The following TMEM236 variants were observed in gnomAD, a reference collection of about 807,000 sequenced individuals.
The protein encoded by TMEM236 is family with sequence similarity 23, member A.
TMEM236 carries 11 observed loss-of-function variants against 14.7 expected under a neutral mutation model. The observed-to-expected ratio is 0.75, with a 90% CI of 0.47 to 1.24. The LOEUF is 1.24. TMEM236 is among the 50% of genes most tolerant of loss of function. TMEM236 has a pLI of 0.00. For missense variants in TMEM236, 464 were observed against 427.3 expected (o/e 1.09, Z -0.76); for synonymous variants, 182 against 168.6 (o/e 1.08, Z -0.62).
chr10:17,783,104 C>T (rs1038080144), intron 3 of TMEM236, among the ~76,000 whole-genome samples: 2 of 152,046 alleles, frequency 1.3e-5, no homozygotes, highest in East Asian at 3.9e-4. Flanking sequence ...AAAACAGAAG[C>T]TGGGGATGGA....
intron 3 of TMEM236, among the ~76,000 whole-genome samples, chr10:17,789,156 AC>A (rs1284307586): frequency 6.6e-6 from 1 of 152,172 alleles, no homozygotes; most frequent in Non-Finnish European, 1.5e-5. Context: ...AGCTGCCTTC[AC>A]CTGTGTAGGT....
At position 17,768,085 on chromosome 10, in the gene TMEM236, G is replaced by GTTTTTTTTTTTTTTTTTTTTTTTTT. The variant is rs1181734908; in HGVS notation, c.258-3224_258-3223insTTTTTTTTTTTTTTTTTTTTTTTTT. Among the ~76,000 whole-genome samples, 38 of 98,828 alleles carry GTTTTTTTTTTTTTTTTTTTTTTTTT rather than the reference G, an allele frequency of 3.8e-4. 10 individuals carry two copies. The highest frequency in any genetic ancestry group is 1.3e-3 in the East Asian group (5 of 3,816). The allele number at this position is 98,828 out of a possible 152,430, so 64.8% of individuals were successfully genotyped here. A position where few individuals can be genotyped will look rare whatever the true frequency, so the allele number is the denominator to read the frequency against. On this transcript the variant is annotated intron_variant, in intron 1 of 3. Coordinates refer to ENST00000377495, the MANE Select transcript of TMEM236 (RefSeq NM_001098844.3). The stretch of plus-strand genomic sequence containing the variant: ...ACCACCACACCTCGCTAATTTTTGT[G>GTTTTTTTTTTTTTTTTTTTTTTTTT]GTTTTTTTTTTTTTTTTTTTTTTGT...
chr10:17,784,503 G>C (rs1181537559), intron 3 of TMEM236, among the ~76,000 whole-genome samples: 3 of 152,162 alleles, frequency 2.0e-5, no homozygotes, highest in Admixed American at 1.3e-4. Flanking sequence ...GAGTGACCCT[G>C]ATTTATATCT....
intron 3 of TMEM236, among the ~76,000 whole-genome samples, chr10:17,783,362 G>T (rs1653822808): frequency 6.6e-6 from 1 of 152,194 alleles, no homozygotes; most frequent in Admixed American, 6.5e-5. Context: ...GTCAGAGATG[G>T]CTGGCTAGAG....
chr10:17,752,469 T>G lies in TMEM236; in HGVS notation c.174T>G (p.Val58=). 1 of 1,613,974 alleles carries G rather than the reference T, an allele frequency of 6.2e-7. No homozygotes were observed. The highest frequency in any genetic ancestry group is 1.7e-5 in the Admixed American group (1 of 60,012). The change falls in exon 1 of 4, where the codon GTT becomes GTG. Residue 58 remains valine (V), a synonymous_variant. Coordinates refer to ENST00000377495, the MANE Select transcript of TMEM236 (RefSeq NM_001098844.3). ...WLIISCSIAY[V]ALVTLLIWVP... is the part of the protein sequence containing the mutation. ...TCATCTCCTGTTCTATTGCCTATGT[T>G]GCGTTAGTGACTCTACTGATCTGGG...
chr10:17,762,604 TATATATATATATATAC>T (rs1424410972), intron 1 of TMEM236, among the ~76,000 whole-genome samples: 2,480 of 81,658 alleles, frequency 0.03, 64 homozygotes, highest in Non-Finnish European at 0.037. Context: ...TATATATATA[TATATATATATATATAC>T]ACACATACAT....
chr10:17,788,472 TG>T (rs1837872042), intron 3 of TMEM236, among the ~76,000 whole-genome samples: 1 of 151,376 alleles, frequency 6.6e-6, no homozygotes, highest in Non-Finnish European at 1.5e-5. Context: ...TCCAGTGGGC[TG>T]GGCATGGTGG....
chr10:17,792,174 A>G (rs941498019), intron 3 of TMEM236, among the ~76,000 whole-genome samples: 9 of 152,210 alleles, frequency 5.9e-5, no homozygotes, highest in African/African-American at 1.4e-4. Context: ...TGCAACCTCC[A>G]TCTCCTGGGT....
chr10:17,795,968 A>C lies in TMEM236; in HGVS notation c.520A>C (p.Thr174Pro). The change falls in exon 4 of 4, where the codon ACT becomes CCT. Residue 174 changes from threonine to proline, a missense_variant. Thr to Pro is a conservative substitution (Grantham distance 38). Coordinates refer to ENST00000377495, the MANE Select transcript of TMEM236 (RefSeq NM_001098844.3). Reference sequence around the variant, plus strand: ...TTCAACCTCTTTGCAACACATAAAAACTGTGACGGAGCAAGTGAGGCAAAG... The same window carrying C: ...TTCAACCTCTTTGCAACACATAAAACCTGTGACGGAGCAAGTGAGGCAAAG... The part of the protein sequence containing the change: ...IHSTSLQHIK[T>P]VTEQVRQSPE... 6.2e-7 allele frequency: 1 copy of C among 1,613,912 alleles called. No homozygotes were observed. The highest frequency in any genetic ancestry group is 8.5e-7 in the Non-Finnish European group (1 of 1,179,850).
At chr10:17,768,092 T>TTTTTG in intron 1 of TMEM236, among the ~76,000 whole-genome samples, 5 of 121,456 alleles carry the variant, frequency 4.1e-5, no homozygotes, top group Admixed American at 7.9e-5. Flanking sequence ...TGTGGTTTTT[T>TTTTTG]TTTTTTTTTT....
At position 17,768,043 on chromosome 10, in the gene TMEM236, T is replaced by G. The variant is rs1837497761; in HGVS notation, c.258-3266T>G. On this transcript the variant is annotated intron_variant, in intron 1 of 3. Transcript: ENST00000377495. ...CTCCTGCCTCAGCCTCCCAAGTAGC[T>G]GCGACTACAGGTACACACCACCACA... 6.7e-5 allele frequency among the ~76,000 whole-genome samples: 10 copies of G among 150,052 alleles called. No homozygotes were observed. The South Asian group carries it at 1.9e-3, about 28-fold the overall frequency.
At chr10:17,782,821 T>C (rs1837774841) in intron 3 of TMEM236, among the ~76,000 whole-genome samples, 1 of 152,174 alleles carries the variant, frequency 6.6e-6, no homozygotes, top group South Asian at 2.1e-4. Context: ...TAATGAGCCA[T>C]GATAATATAT....
In TMEM236 at chr10:17,788,942, A is replaced by G. The variant is rs890515477; in HGVS notation, c.473-6979A>G. Among the ~76,000 whole-genome samples, 86 of 152,338 alleles carry G rather than the reference A, an allele frequency of 5.6e-4. 1 individual carries two copies. In the South Asian group the frequency reaches 6.2e-3, roughly 11 times the overall value. ...GTACACAGTTTTGAGCACAGGCAGTAGTAGTATACTGGTCAGTGTTTAATC... is the reference window on the plus strand; with the variant it reads ...GTACACAGTTTTGAGCACAGGCAGTGGTAGTATACTGGTCAGTGTTTAATC... On this transcript the variant is annotated intron_variant, in intron 3 of 3. Transcript: ENST00000377495.
intron 1 of TMEM236, among the ~76,000 whole-genome samples, chr10:17,766,734 A>G (rs1554834369): frequency 6.6e-6 from 1 of 152,252 alleles, no homozygotes; most frequent in Non-Finnish European, 1.5e-5. Context: ...CTTGAGCAAC[A>G]GAAATTTATT....
At chr10:17,785,510 T>A (rs12269202) in intron 3 of TMEM236, among the ~76,000 whole-genome samples, 40,560 of 151,930 alleles carry the variant, frequency 0.27, 8,079 homozygotes, top group African/African-American at 0.56. Context: ...ATGACACTTT[T>A]ACCAAATAGC....
chr10:17,760,080 C>G (rs1382257220), intron 1 of TMEM236, among the ~76,000 whole-genome samples: 1 of 149,710 alleles, frequency 6.7e-6, no homozygotes, highest in Non-Finnish European at 1.5e-5. Context: ...ACACACAGCA[C>G]TAGTGACATC....
chr10:17,787,507 C>T (rs1837857400), intron 3 of TMEM236, among the ~76,000 whole-genome samples: 1 of 152,218 alleles, frequency 6.6e-6, no homozygotes, highest in African/African-American at 2.4e-5. Context: ...GAACCAGAGT[C>T]AATGGCTGGG....
intron 3 of TMEM236, among the ~76,000 whole-genome samples, chr10:17,787,774 T>G (rs1837862870): frequency 6.6e-6 from 1 of 152,126 alleles, no homozygotes; most frequent in East Asian, 1.9e-4. Flanking sequence ...ACTACACTAG[T>G]AAATATGCAT....
At chr10:17,790,454 G>T (rs1001010812) in intron 3 of TMEM236, among the ~76,000 whole-genome samples, 36 of 152,222 alleles carry the variant, frequency 2.4e-4, no homozygotes, top group African/African-American at 8.4e-4. Flanking sequence ...TAGTTGGGAG[G>T]CTGGGGCAGG....
Sources: allele counts gnomAD v4.1 joint callset (sites outside exome capture counted in the v4.1 genomes callset), GRCh38; gene constraint gnomAD v4.1.1; transcripts MANE v1.5; gene names NCBI Gene and HGNC (gene_info 2026-07-23, HGNC 2026-07-21).